Variants in SGO1 observed in about 807,000 individuals in gnomAD.
The protein encoded by SGO1 is serologically defined breast cancer antigen NY-BR-85.
A neutral mutation model predicts 50.5 loss-of-function variants in SGO1; 39 were observed. The observed-to-expected ratio is 0.77, with a 90% confidence interval of 0.60 to 1.01. The LOEUF is 1.01. Ranked by LOEUF, SGO1 falls within the 50% of genes least tolerant of loss-of-function variation. SGO1 has a pLI of 0.00. For synonymous variants in SGO1, 191 were observed against 205.1 expected, an observed-to-expected ratio of 0.93 and a Z score of 0.59; for missense variants, 638 against 606.0, an observed-to-expected ratio of 1.05 and a Z score of -0.55.
At chr3:20,166,451 C>A (rs374784248), downstream of SGO1, among the ~76,000 whole-genome samples, 43 of 151,956 alleles carry the variant, frequency 2.8e-4, no homozygotes, top group African/African-American at 1.0e-3. Flanking sequence ...ATGAACCTTG[C>A]GATTATTATG....
At chr3:20,162,760 T>A (rs1439901036) in intron 8 of SGO1, among the ~76,000 whole-genome samples, 2 of 146,666 alleles carry the variant, frequency 1.4e-5, no homozygotes, top group African/African-American at 2.5e-5. Context: ...ACAAATAAAA[T>A]ATATATATAA....
chr3:20,169,773 C>T lies in SGO1; in HGVS notation c.*931G>A. 1.0e-6 allele frequency: 1 copy of T among 956,078 alleles called. No homozygotes were observed. The highest frequency in any genetic ancestry group is 1.2e-6 in the Non-Finnish European group (1 of 803,184). The allele number at this position is 956,078 out of a possible 1,614,324, so 59.2% of individuals were successfully genotyped here. A position where few individuals can be genotyped will look rare whatever the true frequency, so the allele number is the denominator to read the frequency against. On this transcript the variant is annotated 3_prime_UTR_variant, in exon 8 of 8. Transcript: ENST00000412997. ...TCACAATTAGTCACTTATCTTGTCC[C>T]TGAGCCTAAAAAAGAATCAATTTCT...
chr3:20,176,551 A>C, intron 5 of SGO1, 50 bp downstream of exon 5: 1 of 1,136,238 alleles, frequency 8.8e-7, no homozygotes, highest in Non-Finnish European at 1.3e-6. Context: ...TTTGTTCTCA[A>C]AGACCTTATT....
At chr3:20,185,377 AG>A (rs1702523078) in intron 1 of SGO1, among the ~76,000 whole-genome samples, 1 of 152,192 alleles carries the variant, frequency 6.6e-6, no homozygotes. Flanking sequence ...CCATATCAAA[AG>A]TTTTATATCC....
intron 4 of SGO1, 40 bp downstream of exon 4, chr3:20,178,227 CCTTT>C (rs143672836): frequency 0.024 from 31,325 of 1,332,088 alleles, 1,563 homozygotes; most frequent in East Asian, 0.19. Flanking sequence ...CAGAATTAAA[CCTTT>C]CTTAGTATTA....
Position 20,169,600 on chromosome 3 carries a change from A to G in SGO1, c.*1104T>C, listed in dbSNP as rs1262236601. 1 of 985,184 alleles carries G rather than the reference A, an allele frequency of 1.0e-6. No individual in the cohort carries two copies. The highest frequency in any genetic ancestry group is 1.2e-6 in the Non-Finnish European group (1 of 829,820). The allele number at this position is 985,184 out of a possible 1,614,324, so 61.0% of individuals were successfully genotyped here. ...TTCTAAACTGAACTAATTCGCTTTC[A>G]TTGGTTGGTCAAAAATATGCAAAAA... On this transcript the variant is annotated 3_prime_UTR_variant, in exon 8 of 8. Transcript: ENST00000412997.
In SGO1 at chr3:20,174,667, T is replaced by C. The variant is rs1337811785; in HGVS notation, c.864A>G (p.Gln288=). The change falls in exon 6 of 8, where the codon CAA becomes CAG. Residue 288 remains glutamine, a synonymous_variant. Coordinates refer to ENST00000412997, the MANE Select transcript of SGO1 (RefSeq NM_001199251.3). ...TTCTTTTCTCTTCTCTTTTTCTTTC[T>C]TGTGTATCTCTTTGCTTACTTTTAG... ...EQTKSKQRDT[Q]ERKREEKRKA... 1.2e-6 allele frequency: 2 copies of C among 1,607,318 alleles called. No homozygotes were observed. Among genetic ancestry groups the C allele is most frequent in the Non-Finnish European group, 1.7e-6 (2 of 1,177,516 alleles).
intron 4 of SGO1, among the ~76,000 whole-genome samples, chr3:20,177,663 G>A (rs1189367111): frequency 6.6e-6 from 1 of 152,168 alleles, no homozygotes; most frequent in African/African-American, 2.4e-5. Flanking sequence ...AAAACACTAT[G>A]TCTTCATTGA....
At chr3:20,173,576 G>C (rs1263410324) in intron 6 of SGO1, among the ~76,000 whole-genome samples, 2 of 152,132 alleles carry the variant, frequency 1.3e-5, no homozygotes, top group Non-Finnish European at 2.9e-5. Context: ...TCACAGAATT[G>C]TTCTGAGGAT....
intron 1 of SGO1, among the ~76,000 whole-genome samples, chr3:20,184,703 T>C (rs568869597): frequency 5.9e-5 from 9 of 152,326 alleles, no homozygotes; most frequent in African/African-American, 1.9e-4. Flanking sequence ...TCTCAAACTG[T>C]GGCTAAAAGT....
At chr3:20,165,677 T>C (rs1422490507), downstream of SGO1, among the ~76,000 whole-genome samples, 1 of 152,222 alleles carries the variant, frequency 6.6e-6, no homozygotes, top group African/African-American at 2.4e-5. Context: ...ATTGCTAGTA[T>C]AGCCTTGATA....
rs140685569 is a variant in SGO1, at chr3:20,174,992, G to C, written c.539C>G (p.Ser180Cys). ...GVDFDSGEAK[S>C]TDNVLPRTVS... ...AGTTCTAGGTAAGACATTATCAGTAGACTTAGCTTCACCTGAATCAAAATC... is the reference window on the plus strand; with the variant it reads ...AGTTCTAGGTAAGACATTATCAGTACACTTAGCTTCACCTGAATCAAAATC... The change falls in exon 6 of 8, where the codon TCT (serine) becomes TGT (cysteine). Residue 180 changes from serine to cysteine, a missense_variant. Transcript: ENST00000412997. 3.1e-6 allele frequency: 5 copies of C among 1,603,000 alleles called. No homozygotes were observed. The Admixed American group carries it at 8.6e-5, about 27-fold the overall frequency.
chr3:20,169,410 T>C (rs181832488), downstream of SGO1: 40 of 984,990 alleles, frequency 4.1e-5, no homozygotes, highest in Admixed American at 2.5e-3. Flanking sequence ...AGAGGAAATG[T>C]CCAAGGATGA....
rs138511185 is a variant in SGO1, at chr3:20,180,764, T to A, written c.340-2417A>T. Among the ~76,000 whole-genome samples the A allele has an allele frequency of 7.9e-5, 12 of 152,348 alleles. No homozygotes were observed. In the East Asian group the frequency reaches 2.3e-3, roughly 29 times the overall value. The stretch of plus-strand genomic sequence containing the variant: ...ATTATCTTTTGAAATTTGATGAACA[T>A]ATGCTGACATTATAATAAATAAGCT... On this transcript the variant is annotated intron_variant, in intron 3 of 7. Transcript: ENST00000412997.
intron 8 of SGO1, among the ~76,000 whole-genome samples, chr3:20,161,639 A>G (rs1462819104): frequency 1.3e-5 from 2 of 152,198 alleles, no homozygotes; most frequent in African/African-American, 4.8e-5. Context: ...GCCTAGAACA[A>G]GATCTAGCAC....
chr3:20,166,111 G>A (rs977099003), downstream of SGO1, among the ~76,000 whole-genome samples: 1 of 152,000 alleles, frequency 6.6e-6, no homozygotes, highest in African/African-American at 2.4e-5. Flanking sequence ...TTATGACTTA[G>A]AAGACAACAG....
downstream of SGO1, among the ~76,000 whole-genome samples, chr3:20,165,235 T>C (rs1406094088): frequency 6.6e-6 from 1 of 152,088 alleles, no homozygotes; most frequent in Admixed American, 6.5e-5. Context: ...TAGGCTCTTT[T>C]AAACAACCAG....
At chr3:20,183,481 G>T (rs761200945) in intron 3 of SGO1, 127 bp downstream of exon 3, 1 of 788,200 alleles carries the variant, frequency 1.3e-6, no homozygotes, top group Non-Finnish European at 2.0e-6. Context: ...GAGCACTAAA[G>T]AAGGATGTTT....
intron 6 of SGO1, among the ~76,000 whole-genome samples, chr3:20,173,708 G>A (rs1028609002): frequency 6.6e-6 from 1 of 152,128 alleles, no homozygotes; most frequent in Non-Finnish European, 1.5e-5. Flanking sequence ...GTTGTATTAC[G>A]AACATTTGAA....
Sources: gnomAD v4.1 joint callset for allele counts (sites outside exome capture counted in the v4.1 genomes callset) on GRCh38, gnomAD v4.1.1 for gene constraint, MANE v1.5 for transcripts, NCBI Gene and HGNC (gene_info 2026-07-23, HGNC 2026-07-21) for gene names.